Variants in LPA observed in about 807,000 individuals in gnomAD.
LPA encodes lipoprotein(a).
Under a neutral mutation model 197.9 loss-of-function variants are expected in LPA, and 199 were observed. That is an observed-to-expected ratio of 1.01 (90% CI 0.90 to 1.13). The LOEUF (loss-of-function observed/expected upper bound fraction) is 1.13. Among genes scored for constraint, LPA ranks in the 50% most tolerant of loss-of-function variants. LPA has a pLI of 0.00. For synonymous variants in LPA, 715 were observed against 639.5 expected (o/e 1.12, Z -1.78); for missense variants, 1,853 against 1,785.8 (o/e 1.04, Z -0.68).
At chr6:160,646,891 A>T (rs1001795853) in intron 2 of LPA, among the ~76,000 whole-genome samples, 3 of 151,586 alleles carry the variant, frequency 2.0e-5, no homozygotes, top group African/African-American at 7.3e-5. Flanking sequence ...ATCAAGGAGG[A>T]TAACCTTTCC....
At chr6:160,647,145 C>A (rs937436149) in intron 2 of LPA, among the ~76,000 whole-genome samples, 2 of 152,184 alleles carry the variant, frequency 1.3e-5, no homozygotes, top group Admixed American at 6.5e-5. Flanking sequence ...CCTCTGCTGT[C>A]CACAGCCACT....
At chr6:160,634,886 G>C (rs1202084720) in intron 7 of LPA, among the ~76,000 whole-genome samples, 2 of 150,136 alleles carry the variant, frequency 1.3e-5, no homozygotes, top group African/African-American at 2.5e-5. Context: ...GGTGAGTTGT[G>C]AAGCCCATCA....
At chr6:160,570,361 C>A (rs1202151807) in intron 28 of LPA, among the ~76,000 whole-genome samples, 1 of 152,170 alleles carries the variant, frequency 6.6e-6, no homozygotes, top group Non-Finnish European at 1.5e-5. Flanking sequence ...TGGAAACCAT[C>A]ATTCTCAGCA....
chr6:160,578,391 G>T, intron 27 of LPA, 132 bp downstream of exon 27: 1 of 1,111,916 alleles, frequency 9.0e-7, no homozygotes, highest in East Asian at 2.4e-5. Flanking sequence ...CCCCAGAGAG[G>T]GCGCTGAGGC....
rs1779992251 is a variant in LPA, at chr6:160,650,813, AG to A, written c.50-317del. 2.6e-5 allele frequency among the ~76,000 whole-genome samples: 4 copies of A among 152,312 alleles called. No homozygotes were observed. In the South Asian group the frequency reaches 8.3e-4, roughly 32 times the overall value. On this transcript the variant is annotated intron_variant, in intron 1 of 38. Transcript: ENST00000316300. ...TTAATGTTCATGAGGACCACAGGACAGGAGAGATCAGAGGGAGATACATTTG... is the reference window on the plus strand; with the variant it reads ...TTAATGTTCATGAGGACCACAGGACAGAGAGATCAGAGGGAGATACATTTG...
At chr6:160,593,867 T>A (rs1213370126) in intron 22 of LPA, 91 bp downstream of exon 22, 1 of 1,480,734 alleles carries the variant, frequency 6.8e-7, no homozygotes, top group East Asian at 2.3e-5. Flanking sequence ...CTGAGATAAA[T>A]TTGTCATAAG....
chr6:160,654,024 TATA>T (rs1780071802), intron 1 of LPA, among the ~76,000 whole-genome samples: 3 of 9,834 alleles, frequency 3.1e-4, no homozygotes, highest in Non-Finnish European at 5.2e-4. Context: ...ATATATAATA[TATA>T]ATATATATTA....
chr6:160,556,164 C>T lies in LPA; in HGVS notation c.4834G>A (p.Val1612Met). Residue 1612 changes from valine to methionine, a missense_variant, in exon 30 of 39, where the codon GTG becomes ATG. This residue lies in a region of LPA where 1,737 missense variants were observed against 1,504.4 expected (regional missense o/e 1.15). Transcript: ENST00000316300. Reference protein sequence around the residue: ...SEAAPTEQTPVVRQCYHGNGQ... With the variant: ...SEAAPTEQTPMVRQCYHGNGQ... ...TTACCATGGTAGCACTGCCGGACCACAGGGGTTTGCTCAGTTGGTGCTGAA... is the reference window on the plus strand; with the variant it reads ...TTACCATGGTAGCACTGCCGGACCATAGGGGTTTGCTCAGTTGGTGCTGAA... 6.2e-7 allele frequency: 1 copy of T among 1,613,888 alleles called. No individual in the cohort carries two copies. Among genetic ancestry groups the T allele is most frequent in the Non-Finnish European group, 8.5e-7 (1 of 1,179,932 alleles).
chr6:160,646,944 G>A (rs1311872717), intron 2 of LPA, among the ~76,000 whole-genome samples: 2 of 151,994 alleles, frequency 1.3e-5, no homozygotes. Flanking sequence ...CTAGTGAAAA[G>A]GCTCTACCTT....
intron 33 of LPA, among the ~76,000 whole-genome samples, chr6:160,543,427 T>A (rs113694357): frequency 3.2e-4 from 49 of 152,110 alleles, no homozygotes; most frequent in African/African-American, 1.2e-3. Context: ...CTATAAATAT[T>A]AATATAGTTA....
Position 160,557,467 on chromosome 6 carries a change from C to T in LPA, c.4736G>A (p.Cys1579Tyr). 6.2e-7 allele frequency: 1 copy of T among 1,614,094 alleles called. No individual in the cohort carries two copies. The highest frequency in any genetic ancestry group is 1.6e-4 in the Middle Eastern group (1 of 6,062). Residue 1579 changes from cysteine (C) to tyrosine (Y), a missense_variant, in exon 29 of 39, where the codon TGC becomes TAC. Cys to Tyr is a radical substitution (Grantham distance 194). This residue lies in a region of LPA where 1,737 missense variants were observed against 1,504.4 expected (regional missense o/e 1.15). Transcript: ENST00000316300. The stretch of plus-strand genomic sequence containing the variant: ...TAGGACACCTGATTCTGTTTCTGAG[C>T]ATTGTGTCAGATTGCAGTACTCCCA... ...VRWEYCNLTQ[C>Y]SETESGVLET...
chr6:160,554,687 T>G (rs1778225946), intron 30 of LPA, among the ~76,000 whole-genome samples: 1 of 152,132 alleles, frequency 6.6e-6, no homozygotes, highest in South Asian at 2.1e-4. Context: ...CTTTCCCCAG[T>G]AGTGGTTCTC....
intron 22 of LPA, 121 bp from the exon 23 acceptor site, chr6:160,591,222 G>A: frequency 3.2e-6 from 4 of 1,239,366 alleles, no homozygotes; most frequent in Admixed American, 2.0e-5. Context: ...TCTCACTAAA[G>A]GTCCTGTAAC....
In LPA at chr6:160,599,719, G is replaced by A. The variant is rs1480044144; in HGVS notation, c.3128-60C>T. ...TTCCTAGAACAGAAAAATACAGGAA[G>A]CCATTTATGACATAAACCAAAAAAG... On this transcript the variant is annotated intron_variant, in intron 19 of 38. Coordinates refer to ENST00000316300, the MANE Select transcript of LPA (RefSeq NM_005577.4). 11 of 1,593,578 alleles carry A rather than the reference G, an allele frequency of 6.9e-6. No individual in the cohort carries two copies. In the South Asian group the frequency reaches 8.8e-5, roughly 13 times the overall value.
At chr6:160,584,673 A>G (rs1778873846) in intron 26 of LPA, among the ~76,000 whole-genome samples, 1 of 152,080 alleles carries the variant, frequency 6.6e-6, no homozygotes, top group African/African-American at 2.4e-5. Context: ...TGGCAAACAC[A>G]AATTTCACTT....
At chr6:160,599,760 C>T in intron 19 of LPA, 101 bp from the exon 20 acceptor site, 1 of 1,294,226 alleles carries the variant, frequency 7.7e-7, no homozygotes, top group Non-Finnish European at 1.1e-6. Flanking sequence ...CTGAGATTTA[C>T]AACCATTCTC....
In LPA at chr6:160,547,781, T is replaced by G. The variant is rs1215472551; in HGVS notation, c.5304+8A>C. On this transcript the variant is annotated splice_region_variant and intron_variant, in intron 32 of 38. Transcript: ENST00000316300. ...AAGGGAAAAAGAGTCCAAATCAAAG[T>G]GGCTTACATTTTTTTCCAGACCTGC... 1 of 1,613,830 alleles carries G rather than the reference T, an allele frequency of 6.2e-7. No homozygotes were observed. Among genetic ancestry groups the G allele is most frequent in the Non-Finnish European group, 8.5e-7 (1 of 1,179,984 alleles).
intron 30 of LPA, among the ~76,000 whole-genome samples, chr6:160,555,176 C>A (rs1045555928): frequency 6.6e-6 from 1 of 150,464 alleles, no homozygotes; most frequent in East Asian, 1.9e-4. Context: ...TCCTGGCAAC[C>A]CATATCCCTT....
At chr6:160,545,641 G>A (rs536608798) in intron 32 of LPA, 108 bp from the exon 33 acceptor site, 112 of 758,666 alleles carry the variant, frequency 1.5e-4, no homozygotes, top group East Asian at 4.7e-4. Flanking sequence ...AAAAGGGAGC[G>A]TTCCTTCTTC....
Sources: allele counts gnomAD v4.1 joint callset (sites outside exome capture counted in the v4.1 genomes callset), GRCh38; gene constraint gnomAD v4.1.1; regional missense constraint gnomAD v4.1.1; transcripts MANE v1.5; gene names NCBI Gene and HGNC (gene_info 2026-07-23, HGNC 2026-07-21).